UBE2Q1: variants seen among roughly 807,000 people sequenced by gnomAD.
UBE2Q1 encodes ubiquitin conjugating enzyme E2 Q1.
UBE2Q1 carries 6 observed loss-of-function variants against 60.1 expected under a neutral mutation model. That is an observed-to-expected ratio of 0.10 (90% CI 0.05 to 0.20). The LOEUF is 0.20. Ranked by LOEUF, UBE2Q1 falls within the 10% of genes least tolerant of loss-of-function variation. The pLI, the probability that UBE2Q1 is intolerant of heterozygous loss-of-function variation, is 1.00. For synonymous variants in UBE2Q1, 226 were observed against 208.3 expected, an observed-to-expected ratio of 1.09 and a Z score of -0.73; for missense variants, 262 against 525.8, an observed-to-expected ratio of 0.50 and a Z score of 4.91.
intron 1 of UBE2Q1, 35 bp downstream of exon 1, chr1:154,558,192 G>A (rs376398955): frequency 4.1e-6 from 6 of 1,475,382 alleles, no homozygotes; most frequent in East Asian, 2.7e-5. Context: ...CCTGACAAGG[G>A]GCCCCCACAG....
At chr1:154,555,618 A>G in intron 2 of UBE2Q1, 86 bp from the exon 3 acceptor site, 1 of 1,274,086 alleles carries the variant, frequency 7.8e-7, no homozygotes, top group South Asian at 1.2e-5. Context: ...TTTGGGCCCC[A>G]CACCAATAAC....
intron 4 of UBE2Q1, 98 bp from the exon 5 acceptor site, chr1:154,553,270 C>A: frequency 6.8e-7 from 1 of 1,481,122 alleles, no homozygotes; most frequent in Non-Finnish European, 9.0e-7. Context: ...GGCGAAGAGC[C>A]AAAAGTTAAA....
At chr1:154,555,797 G>A in intron 2 of UBE2Q1, 63 bp downstream of exon 2, 2 of 1,450,180 alleles carry the variant, frequency 1.4e-6, no homozygotes. Flanking sequence ...CCCTTTCACA[G>A]GATGCCTTTG....
At chr1:154,551,871 C>A in intron 9 of UBE2Q1, 50 bp downstream of exon 9, 1 of 1,614,206 alleles carries the variant, frequency 6.2e-7, no homozygotes, top group Non-Finnish European at 8.5e-7. Flanking sequence ...CAAGTCTCTT[C>A]CCCGCCCTCT....
chr1:154,558,101 G>A, intron 1 of UBE2Q1, 126 bp downstream of exon 1: 1 of 712,226 alleles, frequency 1.4e-6, no homozygotes, highest in South Asian at 2.2e-5. Context: ...GTAACCTGGA[G>A]AGAAAGAACT....
At chr1:154,553,201 A>C (rs1332073893) in intron 4 of UBE2Q1, 29 bp from the exon 5 acceptor site, 6 of 1,591,590 alleles carry the variant, frequency 3.8e-6, no homozygotes, top group Non-Finnish European at 5.1e-6. Context: ...GGGAGTGAAA[A>C]GAAAAGGAAA....
chr1:154,553,966 A>G (rs1163403256), intron 4 of UBE2Q1, among the ~76,000 whole-genome samples: 2 of 152,214 alleles, frequency 1.3e-5, no homozygotes, highest in Non-Finnish European at 2.9e-5. Flanking sequence ...TATTAATCTA[A>G]TGCTAGGAAA....
rs946953380 is a variant in UBE2Q1 at position 154,551,315 on chromosome 1, AG to A, written c.1170+81del. 31 of 1,452,026 alleles carry A rather than the reference AG, an allele frequency of 2.1e-5. No homozygotes were observed. In the African/African-American group the frequency reaches 3.9e-4, roughly 18 times the overall value. The allele number at this position is 1,452,026 out of a possible 1,614,324, so 89.9% of individuals were successfully genotyped here. A position where few individuals can be genotyped will look rare whatever the true frequency, so the allele number is the denominator to read the frequency against. ...GGGGGCCTTATGCTCATTCCTCTAAAGAAGGCAGCCTTGGCCTGCTAGTGGC... is the reference window on the plus strand; with the variant it reads ...GGGGGCCTTATGCTCATTCCTCTAAAAAGGCAGCCTTGGCCTGCTAGTGGC... On this transcript the variant is annotated intron_variant, in intron 11 of 12. Transcript: ENST00000292211.
intron 3 of UBE2Q1, 22 bp downstream of exon 3, chr1:154,555,406 C>T: frequency 6.2e-7 from 1 of 1,608,958 alleles, no homozygotes; most frequent in Non-Finnish European, 8.5e-7. Flanking sequence ...ACAACAGGGC[C>T]CGAGGCTCCT....
At position 154,552,451 on chromosome 1, in the gene UBE2Q1, G is replaced by C. The variant is rs374677299; in HGVS notation, c.828C>G (p.Val276=). 5.0e-6 allele frequency: 8 copies of C among 1,614,196 alleles called. No homozygotes were observed. The African/African-American group carries it at 9.3e-5, about 19-fold the overall frequency. The change falls in exon 7 of 13, where the codon GTC becomes GTG. Residue 276 remains valine, a synonymous_variant. Coordinates refer to ENST00000292211, the MANE Select transcript of UBE2Q1 (RefSeq NM_017582.7). ...CATACAGACTGTCATTCACGAGTTC[G>C]ACTGCATAGTTTCCTGGAAGGAGGG... ...SQSFKGGNYA[V]ELVNDSLYDW...
intron 3 of UBE2Q1, chr1:154,555,021 C>T (rs1402550592): frequency 3.7e-6 from 2 of 544,774 alleles, no homozygotes; most frequent in East Asian, 5.8e-5. Context: ...AAATGGCTGT[C>T]TCTGTCACCC....
chr1:154,553,137 C>T lies in UBE2Q1; in HGVS notation c.624G>A (p.Glu208=), dbSNP rs780285311. ...TEDLDHYEMK[E]EEPAEGKKSE... ...ATTTCTTGCCCTCAGCTGGCTCTTC[C>T]TCTTTCATTTCATAGTGATCTAAGT... The change falls in exon 5 of 13, where the codon GAG becomes GAA. Residue 208 remains glutamate, a synonymous_variant. Coordinates refer to ENST00000292211, the MANE Select transcript of UBE2Q1 (RefSeq NM_017582.7). 3 of 1,613,646 alleles carry T rather than the reference C, an allele frequency of 1.9e-6. No homozygotes were observed. Among genetic ancestry groups the T allele is most frequent in the African/African-American group, 2.7e-5 (2 of 74,916 alleles).
At chr1:154,553,262 C>T (rs1695823864) in intron 4 of UBE2Q1, 90 bp from the exon 5 acceptor site, 8 of 1,506,884 alleles carry the variant, frequency 5.3e-6, no homozygotes, top group South Asian at 1.3e-5. Flanking sequence ...TCCCATTTGG[C>T]GAAGAGCCAA....
chr1:154,552,516 G>T, intron 6 of UBE2Q1, 52 bp from the exon 7 acceptor site: 1 of 1,604,020 alleles, frequency 6.2e-7, no homozygotes, highest in Non-Finnish European at 8.5e-7. Context: ...GTGGTGAGTG[G>T]TCTCTAATGC....
chr1:154,551,638 G>A (rs921569081), intron 10 of UBE2Q1, 133 bp downstream of exon 10: 13 of 1,463,860 alleles, frequency 8.9e-6, no homozygotes, highest in Admixed American at 1.7e-5. Flanking sequence ...GTCTAGGTCA[G>A]TGGGTGCAGA....
chr1:154,554,745 T>A lies in UBE2Q1; in HGVS notation c.578A>T (p.Glu193Val). ...EDVSSEDEDEEMPEDTEDLDH... is the reference protein window; with the variant it reads ...EDVSSEDEDEVMPEDTEDLDH... ...AGGGGGCAAGCCTACCTCAGGCATC[T>A]CCTCATCTTCATCTTCTGAAGACAC... Residue 193 changes from glutamate to valine, a missense_variant, in exon 4 of 13, where the codon GAG (glutamate) becomes GTG (valine). By Grantham distance (121) the Glu-to-Val change is moderately radical. Coordinates refer to ENST00000292211, the MANE Select transcript of UBE2Q1 (RefSeq NM_017582.7). 6.2e-7 allele frequency: 1 copy of A among 1,613,536 alleles called. No individual in the cohort carries two copies. The highest frequency in any genetic ancestry group is 1.1e-5 in the South Asian group (1 of 91,050).
intron 12 of UBE2Q1, 107 bp from the exon 13 acceptor site, chr1:154,550,576 G>C (rs1324013782): frequency 1.3e-6 from 2 of 1,578,802 alleles, no homozygotes; most frequent in African/African-American, 2.7e-5. Flanking sequence ...AGGATATTGG[G>C]GAGGGCTATG....
chr1:154,551,120 A>G, intron 11 of UBE2Q1, 116 bp from the exon 12 acceptor site: 1 of 1,189,388 alleles, frequency 8.4e-7, no homozygotes, highest in East Asian at 2.3e-5. Context: ...ACTGTGGTCT[A>G]GTAAAACACT....
At position 154,558,458 on chromosome 1, in the gene UBE2Q1, C is replaced by G. The variant is rs1010121184; in HGVS notation, c.96G>C (p.Gly32=). Residue 32 remains glycine, a synonymous_variant, in exon 1 of 13, where the codon GGG becomes GGC. Coordinates refer to ENST00000292211, the MANE Select transcript of UBE2Q1 (RefSeq NM_017582.7). ...GAAPGAGGGP[G]GGPGPGPCLR... is the part of the protein sequence containing the mutation. Reference sequence around the variant, plus strand: ...GGCAGGGCCCCGGCCCCGGGCCCCCCCCTGGGCCGCCCCCGGCCCCCGGCG... The same window carrying G: ...GGCAGGGCCCCGGCCCCGGGCCCCCGCCTGGGCCGCCCCCGGCCCCCGGCG... 4.4e-6 allele frequency: 6 copies of G among 1,377,166 alleles called. No homozygotes were observed. In the Admixed American group the frequency reaches 1.1e-4, roughly 25 times the overall value. The allele number at this position is 1,377,166 out of a possible 1,614,324, so 85.3% of individuals were successfully genotyped here. A position where few individuals can be genotyped will look rare whatever the true frequency, so the allele number is the denominator to read the frequency against.
Sources: gnomAD v4.1 joint callset for allele counts (sites outside exome capture counted in the v4.1 genomes callset) on GRCh38, gnomAD v4.1.1 for gene constraint, MANE v1.5 for transcripts, NCBI Gene and HGNC (gene_info 2026-07-23, HGNC 2026-07-21) for gene names.